The following RGS6 variants were observed in gnomAD, a reference collection of about 807,000 sequenced individuals.
RGS6 encodes regulator of G protein signaling 6, also known as regulator of G-protein signaling 6.
In RGS6, 30 loss-of-function variants were observed where a neutral mutation model predicts 78.5. The ratio of observed to expected loss-of-function variants is 0.38; its 90% confidence interval spans 0.29 to 0.52. RGS6 has a LOEUF of 0.52. Among genes scored for constraint, RGS6 ranks in the 20% least tolerant of loss-of-function variants. The pLI is 0.85. For missense variants in RGS6, 495 were observed against 609.7 expected, an observed-to-expected ratio of 0.81 and a Z score of 1.98; for synonymous variants, 206 against 206.0, an observed-to-expected ratio of 1.00 and a Z score of 0.00.
intron 7 of RGS6, among the ~76,000 whole-genome samples, chr14:72,468,522 CA>C (rs1011291410): frequency 1.3e-5 from 2 of 152,052 alleles, no homozygotes; most frequent in Non-Finnish European, 1.5e-5. Context: ...TTTACAAAAA[CA>C]AAAATTCAAA....
At chr14:72,628,148 G>A in the RGS6 span, among the ~76,000 whole-genome samples, 1 of 151,892 alleles carries the variant, frequency 6.6e-6, no homozygotes, top group African/African-American at 2.4e-5. Flanking sequence ...GAATAGTGTC[G>A]AATCATAGTT....
chr14:72,331,724 T>C (rs2075087606), intron 2 of RGS6, among the ~76,000 whole-genome samples: 3 of 152,126 alleles, frequency 2.0e-5, no homozygotes, highest in Admixed American at 2.0e-4. Context: ...TACCTCCCAC[T>C]GGCCTTGGGC....
At chr14:72,489,153 G>A (rs2096539541) in intron 12 of RGS6, among the ~76,000 whole-genome samples, 1 of 104,522 alleles carries the variant, frequency 9.6e-6, no homozygotes, top group South Asian at 3.3e-4. Flanking sequence ...GAGGACAAAG[G>A]GGGCCCCCCC....
chr14:72,231,441 C>T (rs944160566), intron 2 of RGS6, among the ~76,000 whole-genome samples: 22 of 152,028 alleles, frequency 1.4e-4, no homozygotes, highest in Admixed American at 3.9e-4. Flanking sequence ...GATTATGAGC[C>T]AGGAACTGTT....
At chr14:71,869,643 A>G in the RGS6 span, among the ~76,000 whole-genome samples, 1 of 152,214 alleles carries the variant, frequency 6.6e-6, no homozygotes, top group African/African-American at 2.4e-5. Flanking sequence ...TAGCTATAGA[A>G]TTTCTGCCAA....
In RGS6 at chr14:72,540,572, T is replaced by C. The variant is rs764444976; in HGVS notation, c.1422+478T>C. On this transcript the variant is annotated intron_variant, in intron 17 of 17. Transcript: ENST00000553525. ...TGGGTCGCGAGCTAATGTTGCTGTG[T>C]AGGCGGCTTTTGCTGTGTGCAGAAA... 31 of 1,536,634 alleles carry C rather than the reference T, an allele frequency of 2.0e-5. No individual in the cohort carries two copies. In the East Asian group the frequency reaches 7.7e-4, roughly 38 times the overall value.
intron 2 of RGS6, among the ~76,000 whole-genome samples, chr14:72,169,828 C>T (rs974044478): frequency 6.6e-6 from 1 of 152,296 alleles, no homozygotes; most frequent in Admixed American, 6.5e-5. Context: ...ACATGGGCAC[C>T]ACCTGAGAAC....
chr14:72,386,910 G>T (rs1003972506), intron 3 of RGS6, among the ~76,000 whole-genome samples: 1 of 152,132 alleles, frequency 6.6e-6, no homozygotes, highest in African/African-American at 2.4e-5. Context: ...GGTGCTGGGG[G>T]TAGCAGTGGG....
intron 3 of RGS6, among the ~76,000 whole-genome samples, chr14:72,407,036 C>T (rs1224667572): frequency 6.6e-6 from 1 of 152,174 alleles, no homozygotes; most frequent in Admixed American, 6.5e-5. Context: ...ACTGTATGTA[C>T]AATTTTCTTT....
chr14:71,936,823 A>G (rs1450387389), intron 1 of RGS6, among the ~76,000 whole-genome samples: 1 of 152,224 alleles, frequency 6.6e-6, no homozygotes, highest in African/African-American at 2.4e-5. Context: ...ACTCTTGACA[A>G]TTACAGTCTG....
intron 3 of RGS6, among the ~76,000 whole-genome samples, chr14:72,370,438 G>T (rs1029978891): frequency 6.6e-6 from 1 of 152,078 alleles, no homozygotes; most frequent in African/African-American, 2.4e-5. Flanking sequence ...TTGACTATTA[G>T]GTTTTACCAT....
intron 3 of RGS6, among the ~76,000 whole-genome samples, chr14:72,413,707 C>A (rs559365967): frequency 2.0e-5 from 3 of 152,096 alleles, no homozygotes; most frequent in Non-Finnish European, 4.4e-5. Context: ...GCTGGTACTG[C>A]GGTTGTTCCT....
chr14:72,224,680 A>T lies in RGS6; in HGVS notation c.85-127415A>T, dbSNP rs539032855. On this transcript the variant is annotated intron_variant, in intron 2 of 17. Coordinates refer to ENST00000553525, the MANE Select transcript of RGS6 (RefSeq NM_001204424.2). ...GGACACTGTACACTTTGTGAATCTG[A>T]TGAAAGGCGTGGAACTTGATTCCCA... is the stretch of plus-strand genomic sequence containing the variant. Among the ~76,000 whole-genome samples, 11 of 152,254 alleles carry T rather than the reference A, an allele frequency of 7.2e-5. No individual in the cohort carries two copies. The South Asian group carries it at 1.7e-3, about 23-fold the overall frequency.
At chr14:72,330,118 G>A (rs558425112) in intron 2 of RGS6, among the ~76,000 whole-genome samples, 1 of 152,356 alleles carries the variant, frequency 6.6e-6, no homozygotes, top group African/African-American at 2.4e-5. Context: ...CATCAGGGGT[G>A]TTGCCTCACT....
intron 2 of RGS6, among the ~76,000 whole-genome samples, chr14:72,326,884 T>C (rs2073910516): frequency 6.6e-6 from 1 of 152,166 alleles, no homozygotes; most frequent in African/African-American, 2.4e-5. Flanking sequence ...ATTTTTTGTA[T>C]TTTTAATAGA....
intron 2 of RGS6, among the ~76,000 whole-genome samples, chr14:72,327,004 G>T (rs1567763602): frequency 6.6e-6 from 1 of 152,168 alleles, no homozygotes; most frequent in Non-Finnish European, 1.5e-5. Flanking sequence ...GTTGCGCCCG[G>T]CCAGGTATTT....
chr14:72,084,568 G>C (rs151133174), intron 2 of RGS6, among the ~76,000 whole-genome samples: 3 of 152,134 alleles, frequency 2.0e-5, no homozygotes, highest in African/African-American at 7.2e-5. Context: ...GCAATTCCCC[G>C]TAACTCAGAT....
intron 2 of RGS6, among the ~76,000 whole-genome samples, chr14:72,004,977 GC>G (rs2084235578): frequency 1.3e-5 from 2 of 152,312 alleles, no homozygotes; most frequent in South Asian, 4.1e-4. Flanking sequence ...AAAAGCGAAT[GC>G]CTTTTGACAT....
At chr14:72,406,776 C>T (rs200816533) in intron 3 of RGS6, among the ~76,000 whole-genome samples, 1 of 152,182 alleles carries the variant, frequency 6.6e-6, no homozygotes, top group Non-Finnish European at 1.5e-5. Context: ...AGCCACCACA[C>T]AAATGTATTT....
Sources: allele counts gnomAD v4.1 joint callset (sites outside exome capture counted in the v4.1 genomes callset), GRCh38; gene constraint gnomAD v4.1.1; transcripts MANE v1.5; gene names NCBI Gene and HGNC (gene_info 2026-07-23, HGNC 2026-07-21).